DGKG: variants seen among roughly 807,000 people sequenced by gnomAD.
The protein encoded by DGKG is diacylglycerol kinase gamma.
In DGKG, 78 loss-of-function variants were observed where a neutral mutation model predicts 105.3. That is an observed-to-expected ratio of 0.74 (90% CI 0.62 to 0.89). The LOEUF (loss-of-function observed/expected upper bound fraction) is 0.89, where lower values mean the gene tolerates loss of function less well. Ranked by LOEUF, DGKG falls within the 40% of genes least tolerant of loss-of-function variation. The pLI, the probability that DGKG is intolerant of heterozygous loss-of-function variation, is 0.00. For missense variants in DGKG, 958 were observed against 1,020.1 expected, an observed-to-expected ratio of 0.94 and a Z score of 0.83; for synonymous variants, 346 against 367.1, an observed-to-expected ratio of 0.94 and a Z score of 0.66.
intron 24 of DGKG, chr3:186,158,283 T>C: frequency 1.2e-6 from 1 of 813,198 alleles, no homozygotes; most frequent in Non-Finnish European, 1.5e-6. Context: ...TTTTATATGA[T>C]GGAAGATTAT....
rs762370257 is a variant in DGKG at position 186,353,515 on chromosome 3, T to C, written c.-249+8431A>G. Among the ~76,000 whole-genome samples the C allele has an allele frequency of 2.0e-5, 3 of 147,698 alleles. No individual in the cohort carries two copies. The South Asian group carries it at 6.4e-4, about 32-fold the overall frequency. ...GCCTGGGTGACAGAGTGAGATCCCA[T>C]CTCAAAAAAAAAAGTATATATACAC... is the stretch of plus-strand genomic sequence containing the variant. On this transcript the variant is annotated intron_variant, in intron 1 of 24. Coordinates refer to ENST00000265022, the MANE Select transcript of DGKG (RefSeq NM_001346.3).
intron 2 of DGKG, 41 bp from the exon 3 acceptor site, chr3:186,307,018 C>T (rs374519926): frequency 4.2e-5 from 57 of 1,369,202 alleles, no homozygotes; most frequent in African/African-American, 2.7e-4. Flanking sequence ...TGGCAAATAG[C>T]TAATGGAAGC....
In DGKG at chr3:186,256,234, G is replaced by A. The variant is rs898537941; in HGVS notation, c.1510+1620C>T. ...TGTGTCCATGGCAACCAAAGCGCCC[G>A]GGGGAGTGGCGGGCGGCAGGTGTAC... On this transcript the variant is annotated intron_variant, in intron 17 of 24. Transcript: ENST00000265022. 8.5e-5 allele frequency among the ~76,000 whole-genome samples: 13 copies of A among 152,266 alleles called. No individual in the cohort carries two copies. The East Asian group carries it at 2.5e-3, about 29-fold the overall frequency.
chr3:186,282,208 G>C (rs1004003429), intron 7 of DGKG, among the ~76,000 whole-genome samples: 1 of 152,124 alleles, frequency 6.6e-6, no homozygotes, highest in Non-Finnish European at 1.5e-5. Flanking sequence ...CTGTTGGATT[G>C]GGGGAGAAGG....
Position 186,186,219 on chromosome 3 carries a change from C to T in DGKG, c.2095+1983G>A, listed in dbSNP as rs551941382. ...TATAACAATCTGATTGTCAAATAGA[C>T]GGGTGTGAAACAAGAGAATAACTTC... On this transcript the variant is annotated intron_variant, in intron 22 of 24. Transcript: ENST00000265022. Among the ~76,000 whole-genome samples, 14 of 151,710 alleles carry T rather than the reference C, an allele frequency of 9.2e-5. No homozygotes were observed. The South Asian group carries it at 1.5e-3, about 16-fold the overall frequency.
At chr3:186,286,869 A>G (rs1172840181) in intron 6 of DGKG, among the ~76,000 whole-genome samples, 1 of 152,040 alleles carries the variant, frequency 6.6e-6, no homozygotes, top group East Asian at 1.9e-4. Context: ...CTCCGTATCT[A>G]CCAAAAATAC....
chr3:186,153,994 G>A (rs552642005), intron 24 of DGKG, among the ~76,000 whole-genome samples: 1 of 152,280 alleles, frequency 6.6e-6, no homozygotes, highest in Non-Finnish European at 1.5e-5. Context: ...CTACTTGGAA[G>A]GCTGAGGTGA....
intron 1 of DGKG, among the ~76,000 whole-genome samples, chr3:186,327,111 C>G (rs1180382883): frequency 6.6e-6 from 1 of 152,174 alleles, no homozygotes; most frequent in Non-Finnish European, 1.5e-5. Flanking sequence ...CTGCACTGAA[C>G]TATAATTGCA....
At chr3:186,161,261 A>T (rs1275114812) in intron 24 of DGKG, 3 of 1,055,772 alleles carry the variant, frequency 2.8e-6, no homozygotes, top group Admixed American at 5.2e-5. Flanking sequence ...CTTTTGAGGT[A>T]GTAAATTCCT....
chr3:186,210,112 G>A lies in DGKG; in HGVS notation c.1917+1683C>T, dbSNP rs1303506073. 1.3e-5 allele frequency among the ~76,000 whole-genome samples: 2 copies of A among 152,174 alleles called. No individual in the cohort carries two copies. The highest frequency in any genetic ancestry group is 4.8e-5 in the African/African-American group (2 of 41,434). On this transcript the variant is annotated intron_variant, in intron 21 of 24. Coordinates refer to ENST00000265022, the MANE Select transcript of DGKG (RefSeq NM_001346.3). This position sits in a 1 kb window ranked among gnomAD's most constrained non-coding sequence, Gnocchi z 5.2. ...AAACCCAGAGGGGACTGTGGGGCCT[G>A]GAGCCGGGAGGGCAGGCCAGAGGCA...
intron 7 of DGKG, among the ~76,000 whole-genome samples, chr3:186,282,624 C>T (rs1722878365): frequency 6.6e-6 from 1 of 151,404 alleles, no homozygotes; most frequent in African/African-American, 2.4e-5. Context: ...GTGATTCTCC[C>T]ATCTCAGCCT....
At chr3:186,272,152 C>T (rs558262721) in intron 11 of DGKG, 103 bp downstream of exon 11, 5 of 858,176 alleles carry the variant, frequency 5.8e-6, no homozygotes, top group African/African-American at 5.0e-5. Flanking sequence ...AGAGAAGGGA[C>T]TGGATGAAGC....
chr3:186,263,834 C>T (rs1206247691), intron 14 of DGKG, among the ~76,000 whole-genome samples: 5 of 152,132 alleles, frequency 3.3e-5, no homozygotes, highest in Admixed American at 1.3e-4. Context: ...CCAATGTGGA[C>T]GCACAGCTCT....
intron 1 of DGKG, among the ~76,000 whole-genome samples, chr3:186,348,367 C>CTTTTTTT (rs1303442403): frequency 4.1e-5 from 2 of 48,278 alleles, no homozygotes; most frequent in Admixed American, 2.0e-4. Flanking sequence ...TTGCTGGGTG[C>CTTTTTTT]TTTTTTTTTT....
In DGKG at chr3:186,361,727, C is replaced by G. The variant is rs575465259; in HGVS notation, c.-249+219G>C. Among the ~76,000 whole-genome samples, 3 of 152,344 alleles carry G rather than the reference C, an allele frequency of 2.0e-5. No individual in the cohort carries two copies. The East Asian group carries it at 5.8e-4, about 29-fold the overall frequency. On this transcript the variant is annotated intron_variant, in intron 1 of 24. Coordinates refer to ENST00000265022, the MANE Select transcript of DGKG (RefSeq NM_001346.3). This position sits in a 1 kb window ranked among gnomAD's most constrained non-coding sequence, Gnocchi z 6.8. ...TCTCAGTCGCAGAGAGAGCCGAGCC[C>G]CACCCTGTGCGTTCCCCAAGCCTGC...
At chr3:186,264,425 G>A (rs1444479767) in intron 14 of DGKG, among the ~76,000 whole-genome samples, 1 of 152,062 alleles carries the variant, frequency 6.6e-6, no homozygotes, top group East Asian at 1.9e-4. Flanking sequence ...CACCACGCCC[G>A]GCTAATTTTT....
chr3:186,276,899 T>C (rs1722614547), intron 9 of DGKG, among the ~76,000 whole-genome samples: 1 of 152,234 alleles, frequency 6.6e-6, no homozygotes. Flanking sequence ...GCGTATGCAT[T>C]TGGGCTGGTC....
chr3:186,310,549 A>G (rs1724491145), intron 2 of DGKG, among the ~76,000 whole-genome samples: 1 of 152,164 alleles, frequency 6.6e-6, no homozygotes, highest in African/African-American at 2.4e-5. Context: ...GTAAGTAGGT[A>G]TTATGCATGA....
chr3:186,191,023 C>T (rs1341093003), intron 21 of DGKG, among the ~76,000 whole-genome samples: 1 of 151,942 alleles, frequency 6.6e-6, no homozygotes, highest in Non-Finnish European at 1.5e-5. Context: ...GGGAAGATGC[C>T]TCTCATCTTT....
Sources: gnomAD v4.1 joint callset for allele counts (sites outside exome capture counted in the v4.1 genomes callset) on GRCh38, gnomAD v4.1.1 for gene constraint, Gnocchi (gnomAD v3.1) non-coding constraint, MANE v1.5 for transcripts, NCBI Gene and HGNC (gene_info 2026-07-23, HGNC 2026-07-21) for gene names.